ASIC2: variants seen among roughly 807,000 people sequenced by gnomAD.
ASIC2 encodes the protein acid-sensing ion channel 2.
Under a neutral mutation model 57.3 loss-of-function variants are expected in ASIC2, and 25 were observed. The observed-to-expected ratio is 0.44, with a 90% confidence interval of 0.32 to 0.61. The LOEUF (loss-of-function observed/expected upper bound fraction) is 0.61. Ranked by LOEUF, ASIC2 falls within the 20% of genes least tolerant of loss-of-function variation. The pLI is 0.06. For synonymous variants in ASIC2, 319 were observed against 307.5 expected (o/e 1.04, Z -0.39); for missense variants, 641 against 738.1 (o/e 0.87, Z 1.52).
At chr17:33,210,493 C>T (rs1907228337) in intron 1 of ASIC2, among the ~76,000 whole-genome samples, 1 of 152,232 alleles carries the variant, frequency 6.6e-6, no homozygotes, top group African/African-American at 2.4e-5. Flanking sequence ...CCAACCCAGG[C>T]TGCCAGGCTG....
chr17:33,015,502 CATACA>C (rs1038311836), intron 9 of ASIC2, among the ~76,000 whole-genome samples: 24 of 152,314 alleles, frequency 1.6e-4, no homozygotes, highest in African/African-American at 5.3e-4. Flanking sequence ...ACGTACCAGG[CATACA>C]ATAGTCAGTA....
At chr17:34,036,885 A>AT (rs1439614098) in intron 1 of ASIC2, 1 of 152,396 alleles carries the variant, frequency 6.6e-6, no homozygotes, top group Non-Finnish European at 1.5e-5. Context: ...TTCCCACTCA[A>AT]TTTTTTCCCT....
At chr17:33,678,860 A>G (rs1305800702) in intron 1 of ASIC2, among the ~76,000 whole-genome samples, 1 of 152,012 alleles carries the variant, frequency 6.6e-6, no homozygotes, top group South Asian at 2.1e-4. Context: ...GTGATTCACT[A>G]CCACCCTGGG....
chr17:33,291,293 G>C (rs890668443), intron 1 of ASIC2, 115 bp downstream of exon 1: 1 of 1,437,736 alleles, frequency 7.0e-7, no homozygotes, highest in Non-Finnish European at 9.1e-7. Flanking sequence ...TGGCATCGTG[G>C]AGTGGTAACA....
At chr17:34,088,301 G>A (rs1284347223) in intron 1 of ASIC2, among the ~76,000 whole-genome samples, 1 of 152,186 alleles carries the variant, frequency 6.6e-6, no homozygotes, top group Non-Finnish European at 1.5e-5. Flanking sequence ...TTTGCTAGAG[G>A]TCCACTCCAG....
intron 1 of ASIC2, among the ~76,000 whole-genome samples, chr17:34,011,464 A>G (rs112192467): frequency 0.019 from 2,824 of 152,102 alleles, 50 homozygotes; most frequent in Middle Eastern, 0.031. Flanking sequence ...TCATAGCCCA[A>G]TGTCTTTAAC....
chr17:33,576,145 C>T (rs1185729300), intron 1 of ASIC2, among the ~76,000 whole-genome samples: 1 of 152,206 alleles, frequency 6.6e-6, no homozygotes, highest in Non-Finnish European at 1.5e-5. Context: ...ACTGACCTGC[C>T]TGAGCCCTGC....
At chr17:34,150,727 G>A (rs978536730) in intron 1 of ASIC2, among the ~76,000 whole-genome samples, 9 of 152,148 alleles carry the variant, frequency 5.9e-5, no homozygotes, top group African/African-American at 1.9e-4. Flanking sequence ...GGAAGGGGAT[G>A]GGCAATGGTT....
intron 1 of ASIC2, among the ~76,000 whole-genome samples, chr17:33,638,860 G>GT (rs1013536843): frequency 2.0e-5 from 3 of 152,070 alleles, no homozygotes; most frequent in African/African-American, 4.8e-5. Flanking sequence ...TGGATGGTGA[G>GT]TTAGTGGGCA....
intron 1 of ASIC2, among the ~76,000 whole-genome samples, chr17:33,343,272 C>T (rs919233625): frequency 2.6e-5 from 4 of 152,176 alleles, no homozygotes; most frequent in African/African-American, 4.8e-5. Flanking sequence ...GGAAGCTTCC[C>T]CTAACAAAGT....
intron 1 of ASIC2, among the ~76,000 whole-genome samples, chr17:34,025,725 C>T (rs1445533412): frequency 6.6e-6 from 1 of 152,196 alleles, no homozygotes; most frequent in Non-Finnish European, 1.5e-5. Context: ...AGCCATGGGG[C>T]CTTGAGCCAA....
At chr17:33,358,312 A>G (rs371479951) in intron 1 of ASIC2, among the ~76,000 whole-genome samples, 1 of 152,220 alleles carries the variant, frequency 6.6e-6, no homozygotes, top group South Asian at 2.1e-4. Flanking sequence ...AATATTTACT[A>G]TCTGCCCCTT....
chr17:34,107,978 T>C (rs1381165742), intron 1 of ASIC2, among the ~76,000 whole-genome samples: 1 of 148,960 alleles, frequency 6.7e-6, no homozygotes, highest in African/African-American at 2.5e-5. Context: ...CCAATTTCAC[T>C]ATTTTCCAGT....
At chr17:33,470,690 T>C (rs1913020684) in intron 1 of ASIC2, among the ~76,000 whole-genome samples, 1 of 152,202 alleles carries the variant, frequency 6.6e-6, no homozygotes, top group Non-Finnish European at 1.5e-5. Context: ...TGATTGGAAA[T>C]GCTTTTGAAA....
At chr17:33,277,873 A>G (rs2142164811) in intron 1 of ASIC2, among the ~76,000 whole-genome samples, 1 of 152,332 alleles carries the variant, frequency 6.6e-6, no homozygotes, top group East Asian at 1.9e-4. Flanking sequence ...CAGAGCTGCT[A>G]GAATCAGGCT....
chr17:34,004,484 A>C (rs541667625), intron 1 of ASIC2: 1 of 152,334 alleles, frequency 6.6e-6, no homozygotes, highest in South Asian at 2.1e-4. Flanking sequence ...GCCACTGTTC[A>C]TCTCCCTGGA....
chr17:33,354,480 T>A (rs1402415746), intron 1 of ASIC2, among the ~76,000 whole-genome samples: 1 of 152,176 alleles, frequency 6.6e-6, no homozygotes, highest in Non-Finnish European at 1.5e-5. Context: ...GACTTCCCAC[T>A]GCTCTTGGGA....
chr17:33,920,659 T>C (rs1156404978), intron 1 of ASIC2, among the ~76,000 whole-genome samples: 1 of 152,350 alleles, frequency 6.6e-6, no homozygotes, highest in East Asian at 1.9e-4. Context: ...TTCAGCGTCA[T>C]GCAATATGCT....
intron 1 of ASIC2, among the ~76,000 whole-genome samples, chr17:33,959,729 C>T (rs925860093): frequency 4.6e-5 from 7 of 152,324 alleles, no homozygotes; most frequent in African/African-American, 1.2e-4. Flanking sequence ...GACTAGATGG[C>T]GCCCACTCAG....
Sources: allele counts gnomAD v4.1 joint callset (sites outside exome capture counted in the v4.1 genomes callset), GRCh38; gene constraint gnomAD v4.1.1; transcripts MANE v1.5; gene names NCBI Gene and HGNC (gene_info 2026-07-23, HGNC 2026-07-21).